The following INPP5K variants were observed in gnomAD, a reference collection of about 807,000 sequenced individuals.
INPP5K encodes inositol polyphosphate 5-phosphatase K.
A neutral mutation model predicts 53.5 loss-of-function variants in INPP5K; 35 were observed. The ratio of observed to expected loss-of-function variants is 0.65; its 90% confidence interval spans 0.50 to 0.87. The LOEUF (loss-of-function observed/expected upper bound fraction) is 0.87. Among genes scored for constraint, INPP5K ranks in the 40% least tolerant of loss-of-function variants. The pLI is 0.00. For missense variants in INPP5K, 550 were observed against 586.2 expected (o/e 0.94, Z 0.64); for synonymous variants, 253 against 232.8 (o/e 1.09, Z -0.79).
chr17:1,501,754 C>T (rs1390904364), intron 7 of INPP5K, among the ~76,000 whole-genome samples: 2 of 152,230 alleles, frequency 1.3e-5, no homozygotes, highest in Admixed American at 6.5e-5. Context: ...CACGGTGGCT[C>T]ACGCCTGTAA....
intron 7 of INPP5K, among the ~76,000 whole-genome samples, chr17:1,502,093 T>G (rs905152916): frequency 6.7e-5 from 10 of 150,310 alleles, no homozygotes; most frequent in Admixed American, 4.6e-4. Flanking sequence ...CTCACGCCTG[T>G]AATCCCAGCA....
intron 1 of INPP5K, 108 bp downstream of exon 1, chr17:1,516,348 A>G (rs775751165): frequency 6.5e-5 from 81 of 1,255,618 alleles, no homozygotes; most frequent in Non-Finnish European, 8.8e-5. Context: ...AGCGCCTCTG[A>G]ACCAAAGGCA....
chr17:1,508,467 T>G, intron 5 of INPP5K: 1 of 504,494 alleles, frequency 2.0e-6, no homozygotes, highest in Non-Finnish European at 3.6e-6. Context: ...GCTGTGGCCC[T>G]TCCTTCCTCT....
intron 7 of INPP5K, among the ~76,000 whole-genome samples, chr17:1,500,759 A>G (rs142553116): frequency 3.1e-3 from 477 of 152,246 alleles, no homozygotes; most frequent in African/African-American, 0.011. Flanking sequence ...CCTGAAGGCA[A>G]GGACTTAGCT....
At chr17:1,498,208 T>G (rs947157211) in intron 7 of INPP5K, 86 bp from the exon 8 acceptor site, 1 of 1,218,486 alleles carries the variant, frequency 8.2e-7, no homozygotes, top group African/African-American at 1.5e-5. Flanking sequence ...ATGAGCTTGC[T>G]GGAGCCCCTA....
At chr17:1,497,255 T>C (rs111519185) in intron 8 of INPP5K, among the ~76,000 whole-genome samples, 7,219 of 152,298 alleles carry the variant, frequency 0.047, 223 homozygotes, top group Non-Finnish European at 0.073. Context: ...GGAGGATCAC[T>C]TGAGCCCAGG....
intron 1 of INPP5K, chr17:1,515,675 G>T (rs927638789): frequency 1.1e-6 from 1 of 883,062 alleles, no homozygotes; most frequent in African/African-American, 1.8e-5. Context: ...CTTAGAGGTC[G>T]ACGTTCTCAA....
chr17:1,504,554 G>A (rs2075109123), intron 7 of INPP5K, among the ~76,000 whole-genome samples: 2 of 152,222 alleles, frequency 1.3e-5, no homozygotes. Context: ...AAGGGAAGCA[G>A]TACCGAAGGC....
Position 1,495,276 on chromosome 17 carries a change from T to C in INPP5K, c.*547A>G, listed in dbSNP as rs1420370393. On this transcript the variant is annotated 3_prime_UTR_variant, in exon 12 of 12. Coordinates refer to ENST00000421807, the MANE Select transcript of INPP5K (RefSeq NM_016532.4). ...AGCCTGGCTAGAGGGGCCCCTCCAT[T>C]CTGCCCACTGAGTCAGACTGCTTTT... 1 of 152,692 alleles carries C rather than the reference T, an allele frequency of 6.5e-6. No homozygotes were observed. Among genetic ancestry groups the C allele is most frequent in the Non-Finnish European group, 1.5e-5 (1 of 68,412 alleles). 9.5% of individuals were successfully genotyped at this position (152,692 alleles called of 1,614,324 possible).
chr17:1,513,215 C>T (rs1036481056), intron 3 of INPP5K, among the ~76,000 whole-genome samples: 5 of 152,130 alleles, frequency 3.3e-5, no homozygotes, highest in Non-Finnish European at 2.9e-5. Flanking sequence ...TCAGAATCTT[C>T]CCAAGCTGAA....
intron 1 of INPP5K, among the ~76,000 whole-genome samples, chr17:1,515,243 C>T (rs1461087503): frequency 6.6e-6 from 1 of 152,174 alleles, no homozygotes; most frequent in Non-Finnish European, 1.5e-5. Context: ...CTCGACATCT[C>T]TCTTAAGAGT....
intron 5 of INPP5K, 169 bp downstream of exon 5, chr17:1,509,009 C>A (rs112318143): frequency 2.2e-6 from 1 of 458,034 alleles, no homozygotes; most frequent in African/African-American, 3.9e-5. Flanking sequence ...TCGTGGCGGT[C>A]AGCGTGGGGC....
intron 7 of INPP5K, among the ~76,000 whole-genome samples, chr17:1,499,383 C>G (rs1357503116): frequency 6.6e-6 from 1 of 152,130 alleles, no homozygotes; most frequent in African/African-American, 2.4e-5. Context: ...ATCCCAGCTA[C>G]TCGGGAGGCT....
intron 7 of INPP5K, among the ~76,000 whole-genome samples, chr17:1,506,046 C>G (rs1486691428): frequency 6.6e-6 from 1 of 152,238 alleles, no homozygotes; most frequent in South Asian, 2.1e-4. Context: ...TTTTTTGAGA[C>G]GGAGTCTCGC....
At chr17:1,510,124 A>C (rs1457305349) in intron 3 of INPP5K, among the ~76,000 whole-genome samples, 3 of 152,230 alleles carry the variant, frequency 2.0e-5, no homozygotes, top group African/African-American at 7.2e-5. Context: ...TTTGACATTG[A>C]GGCAGTTTCT....
At position 1,495,846 on chromosome 17, in the gene INPP5K, C is replaced by T. The variant is rs1329002036; in HGVS notation, c.1324G>A (p.Gly442Ser). The T allele has an allele frequency of 6.2e-7, 1 of 1,613,368 alleles. No individual in the cohort carries two copies. Among genetic ancestry groups the T allele is most frequent in the Non-Finnish European group, 8.5e-7 (1 of 1,179,568 alleles). Residue 442 changes from glycine (G) to serine (S), a missense_variant, in exon 12 of 12, where the codon GGT (glycine) becomes AGT (serine). By Grantham distance (56) the Gly-to-Ser change is moderately conservative (BLOSUM62 0). Coordinates refer to ENST00000421807, the MANE Select transcript of INPP5K (RefSeq NM_016532.4). ...GCTCAGATCTGTGGCTGTGCTTCAC[C>T]CAGTGGGTCCTCCCTCAAGGAGCCA... ...PPGSLREDPL[G>S]EAQPQI
At chr17:1,510,039 G>A (rs574369442) in intron 3 of INPP5K, among the ~76,000 whole-genome samples, 3 of 152,226 alleles carry the variant, frequency 2.0e-5, no homozygotes, top group South Asian at 2.1e-4. Context: ...TGCGGGTGGC[G>A]GGAAGAGAAG....
intron 8 of INPP5K, 158 bp downstream of exon 8, chr17:1,497,778 G>C (rs1191759681): frequency 1.5e-6 from 1 of 651,974 alleles, no homozygotes; most frequent in African/African-American, 1.8e-5. Flanking sequence ...CGGCTCCTAA[G>C]AGGAGCTGGG....
intron 7 of INPP5K, among the ~76,000 whole-genome samples, chr17:1,501,664 A>T (rs2075014496): frequency 6.6e-6 from 1 of 152,208 alleles, no homozygotes; most frequent in East Asian, 1.9e-4. Context: ...CCCATCCCAG[A>T]GACCACAGAC....
Sources: gnomAD v4.1 joint callset for allele counts (sites outside exome capture counted in the v4.1 genomes callset) on GRCh38, gnomAD v4.1.1 for gene constraint, MANE v1.5 for transcripts, NCBI Gene and HGNC (gene_info 2026-07-23, HGNC 2026-07-21) for gene names.